Variants in OR4D10 observed in about 807,000 individuals in gnomAD.
OR4D10 encodes the protein olfactory receptor family 4 subfamily D member 10.
For missense variants in OR4D10, 395 were observed against 378.0 expected (o/e 1.04, Z -0.37); for synonymous variants, 188 against 153.2 (o/e 1.23, Z -1.68).
Position 59,476,388 on chromosome 11 carries a change from T to A in OR4D10, c.-168-874T>A, listed in dbSNP as rs151102581. Among the ~76,000 whole-genome samples the A allele has an allele frequency of 1.6e-3, 249 of 152,132 alleles. 2 individuals carry two copies. Among genetic ancestry groups the A allele is most frequent in the Middle Eastern group, 6.8e-3 (2 of 294 alleles). ...GGTCTATACCCTCACTCAGTCTACT[T>A]TTCTCTTTTCTGAGACAGGGTCTCA... On this transcript the variant is annotated intron_variant, in intron 2 of 2. Coordinates refer to ENST00000530162, the MANE Select transcript of OR4D10 (RefSeq NM_001004705.2).
In OR4D10 at chr11:59,477,916, T is replaced by C. The variant is rs746790260; in HGVS notation, c.487T>C (p.Leu163=). 1.2e-6 allele frequency: 2 copies of C among 1,614,168 alleles called. No homozygotes were observed. The highest frequency in any genetic ancestry group is 2.2e-5 in the South Asian group (2 of 91,062). ...FVHSIVQISL[L]LPLPFCGPNV... ...CCACTCCATCGTGCAGATTTCCCTG[T>C]TGCTCCCACTCCCTTTCTGCGGACC... The change falls in exon 3 of 3, where the codon TTG becomes CTG. Residue 163 remains leucine (L), a synonymous_variant. Transcript: ENST00000530162.
intron 2 of OR4D10, among the ~76,000 whole-genome samples, chr11:59,474,195 A>C (rs1417159658): frequency 6.6e-6 from 1 of 152,196 alleles, no homozygotes; most frequent in Non-Finnish European, 1.5e-5. Flanking sequence ...GTGACAAATA[A>C]ATCAAGTTTT....
Position 59,478,358 on chromosome 11 carries a change from G to T in OR4D10, c.929G>T (p.Arg310Ile). The T allele has an allele frequency of 1.9e-6, 3 of 1,558,418 alleles. No individual in the cohort carries two copies. Among genetic ancestry groups the T allele is most frequent in the Non-Finnish European group, 2.6e-6 (3 of 1,155,706 alleles). The change falls in exon 3 of 3, where the codon AGA (arginine) becomes ATA (isoleucine). Residue 310 changes from arginine to isoleucine, a missense_variant. Arg to Ile is a moderately conservative substitution (Grantham distance 97). Transcript: ENST00000530162. ...RLKRRLVPSD[R>I]K Reference sequence around the variant, plus strand: ...AAGAGAAGACTTGTGCCTTCTGATAGAAAATAGAAAAAAAAATCCTCAGCT... The same window carrying T: ...AAGAGAAGACTTGTGCCTTCTGATATAAAATAGAAAAAAAAATCCTCAGCT...
chr11:59,478,607 C>A lies in OR4D10; in HGVS notation c.*242C>A. 2.8e-6 allele frequency: 1 copy of A among 358,736 alleles called. No homozygotes were observed. Among genetic ancestry groups the A allele is most frequent in the Non-Finnish European group, 5.0e-6 (1 of 201,532 alleles). 22.2% of individuals were successfully genotyped at this position (358,736 alleles called of 1,614,324 possible). Reference sequence around the variant, plus strand: ...ACCAAGATTTTGTTTCATGATTTTTCTTCCATGGACTCCAAGTTCTGAAAG... The same window carrying A: ...ACCAAGATTTTGTTTCATGATTTTTATTCCATGGACTCCAAGTTCTGAAAG... On this transcript the variant is annotated 3_prime_UTR_variant, in exon 3 of 3. Coordinates refer to ENST00000530162, the MANE Select transcript of OR4D10 (RefSeq NM_001004705.2).
chr11:59,474,034 T>A (rs970851985), intron 2 of OR4D10, among the ~76,000 whole-genome samples: 9 of 152,236 alleles, frequency 5.9e-5, no homozygotes, highest in Non-Finnish European at 8.8e-5. Flanking sequence ...CTGTAGTGAC[T>A]GAACTTGGGG....
In OR4D10 at chr11:59,477,786, A is replaced by G; in HGVS notation, c.357A>G (p.Ala119=). 6.2e-7 allele frequency: 1 copy of G among 1,614,008 alleles called. No individual in the cohort carries two copies. Among genetic ancestry groups the G allele is most frequent in the Non-Finnish European group, 8.5e-7 (1 of 1,180,010 alleles). The change falls in exon 3 of 3, where the codon GCA becomes GCG. Residue 119 remains alanine, a synonymous_variant. Coordinates refer to ENST00000530162, the MANE Select transcript of OR4D10 (RefSeq NM_001004705.2). ...ATGTATTTTCTCTTTCGGTGATGGCATTGGATCGATATGTGGCCATCTCCA... is the reference window on the plus strand; with the variant it reads ...ATGTATTTTCTCTTTCGGTGATGGCGTTGGATCGATATGTGGCCATCTCCA... ...GVDVFSLSVM[A]LDRYVAISKP... is the part of the protein sequence containing the mutation.
At chr11:59,474,827 C>T (rs939062727) in intron 2 of OR4D10, among the ~76,000 whole-genome samples, 3 of 151,786 alleles carry the variant, frequency 2.0e-5, no homozygotes, top group East Asian at 1.9e-4. Flanking sequence ...GAGGCCGAGG[C>T]GGGCGGATCA....
intron 2 of OR4D10, among the ~76,000 whole-genome samples, chr11:59,474,146 C>T (rs1858874012): frequency 6.6e-6 from 1 of 152,214 alleles, no homozygotes; most frequent in Non-Finnish European, 1.5e-5. Flanking sequence ...ATATGAAAGA[C>T]AAGATTTACA....
rs975449757 is a variant in OR4D10 at position 59,478,717 on chromosome 11, A to T, written c.*352A>T. ...ATAAGTAATACATAAAATTATATAT[A>T]TACCTAGCAAATGCATATTATATAT... On this transcript the variant is annotated 3_prime_UTR_variant, in exon 3 of 3. Coordinates refer to ENST00000530162, the MANE Select transcript of OR4D10 (RefSeq NM_001004705.2). The T allele has an allele frequency of 6.0e-6, 1 of 167,124 alleles. No homozygotes were observed. Among genetic ancestry groups the T allele is most frequent in the African/African-American group, 2.4e-5 (1 of 41,920 alleles). The allele number at this position is 167,124 out of a possible 1,614,324, so 10.4% of individuals were successfully genotyped here.
At chr11:59,476,525 T>G (rs180908223) in intron 2 of OR4D10, among the ~76,000 whole-genome samples, 2 of 151,512 alleles carry the variant, frequency 1.3e-5, no homozygotes, top group Non-Finnish European at 2.9e-5. Context: ...GGACCACAGG[T>G]GTATGCCACC....
At position 59,479,337 on chromosome 11, in the gene OR4D10, A is replaced by G. The variant is rs1858943384; in HGVS notation, c.*972A>G. On this transcript the variant is annotated 3_prime_UTR_variant, in exon 3 of 3. Transcript: ENST00000530162. The stretch of plus-strand genomic sequence containing the variant: ...CTGTGAGTTTCTACAAATGACAAAA[A>G]CACATTAAGCTACTTTAAGCTATGC... 1 of 152,200 alleles carries G rather than the reference A, an allele frequency of 6.6e-6. No homozygotes were observed. The allele number at this position is 152,200 out of a possible 1,614,324, so 9.4% of individuals were successfully genotyped here.
rs746883838 is a variant in OR4D10, at chr11:59,478,002, C to A, written c.573C>A (p.Asp191Glu). 21 of 1,613,984 alleles carry A rather than the reference C, an allele frequency of 1.3e-5. No homozygotes were observed. Among genetic ancestry groups the A allele is most frequent in the Non-Finnish European group, 9.3e-6 (11 of 1,180,034 alleles). Residue 191 changes from aspartate (D) to glutamate (E), a missense_variant, in exon 3 of 3, where the codon GAC becomes GAA. Transcript: ENST00000530162. The stretch of plus-strand genomic sequence containing the variant: ...GGGTCCTCAAACTGGCCCATACAGA[C>A]ATTTTCATACTTGAACTACTAATGA... ...VHRVLKLAHTDIFILELLMIS... is the reference protein window; with the variant it reads ...VHRVLKLAHTEIFILELLMIS...
rs1368051066 is a variant in OR4D10, at chr11:59,477,523, C to G, written c.94C>G (p.Leu32Val). ...EVSLVLFLFL[L>V]LVYVTTLLGN... is the part of the protein sequence containing the mutation. Reference sequence around the variant, plus strand: ...GAGCTTAGTCTTATTTCTTTTCCTACTCTTGGTGTATGTGACAACTTTGCT... The same window carrying G: ...GAGCTTAGTCTTATTTCTTTTCCTAGTCTTGGTGTATGTGACAACTTTGCT... Residue 32 changes from leucine (L) to valine (V), a missense_variant, in exon 3 of 3, where the codon CTC (leucine) becomes GTC (valine). Coordinates refer to ENST00000530162, the MANE Select transcript of OR4D10 (RefSeq NM_001004705.2). 6.2e-7 allele frequency: 1 copy of G among 1,614,056 alleles called. No individual in the cohort carries two copies. The highest frequency in any genetic ancestry group is 1.1e-5 in the South Asian group (1 of 91,070).
At position 59,478,183 on chromosome 11, in the gene OR4D10, G is replaced by A. The variant is rs549738622; in HGVS notation, c.754G>A (p.Val252Met). 192 of 1,613,822 alleles carry A rather than the reference G, an allele frequency of 1.2e-4. 3 individuals are homozygous for A. In the South Asian group the frequency reaches 1.8e-3, roughly 15 times the overall value. ...SHITVVTLHF[V>M]PCIYVYARPF... ...CATCACTGTGGTGACCCTGCATTTC[G>A]TGCCCTGCATCTATGTCTATGCCCG... is the stretch of plus-strand genomic sequence containing the variant. The change falls in exon 3 of 3, where the codon GTG becomes ATG. Residue 252 changes from valine (V) to methionine (M), a missense_variant. Transcript: ENST00000530162.
Position 59,477,682 on chromosome 11 carries a change from C to A in OR4D10, c.253C>A (p.Leu85Ile). Residue 85 changes from leucine to isoleucine, a missense_variant, in exon 3 of 3, where the codon CTT (leucine) becomes ATT (isoleucine). By Grantham distance (5) the Leu-to-Ile change is conservative (BLOSUM62 2). Coordinates refer to ENST00000530162, the MANE Select transcript of OR4D10 (RefSeq NM_001004705.2). ...CACAGTGCCCAAGGTTCTGGTGGAC[C>A]TTCTGTCTGAAAGAAAGACCATCTC... is the stretch of plus-strand genomic sequence containing the variant. Reference protein sequence around the residue: ...SITVPKVLVDLLSERKTISFN... With the variant: ...SITVPKVLVDILSERKTISFN... 1.2e-6 allele frequency: 2 copies of A among 1,614,168 alleles called. No individual in the cohort carries two copies. The highest frequency in any genetic ancestry group is 1.7e-6 in the Non-Finnish European group (2 of 1,180,024).
chr11:59,477,741 C>T lies in OR4D10; in HGVS notation c.312C>T (p.Phe104=), dbSNP rs1341585045. Residue 104 remains phenylalanine (F), a synonymous_variant, in exon 3 of 3, where the codon TTC becomes TTT. Coordinates refer to ENST00000530162, the MANE Select transcript of OR4D10 (RefSeq NM_001004705.2). The stretch of plus-strand genomic sequence containing the variant: ...ATTGCTTCACTCAGATGTTTCTATT[C>T]CACCTTATTGGAGGGGTGGATGTAT... ...FNHCFTQMFL[F]HLIGGVDVFS... is the part of the protein sequence containing the mutation. 2.5e-6 allele frequency: 4 copies of T among 1,614,134 alleles called. No homozygotes were observed. The highest frequency in any genetic ancestry group is 3.4e-6 in the Non-Finnish European group (4 of 1,180,022).
Position 59,478,027 on chromosome 11 carries a change from A to G in OR4D10, c.598A>G (p.Ile200Val). The change falls in exon 3 of 3, where the codon ATT becomes GTT. Residue 200 changes from isoleucine (I) to valine (V), a missense_variant. By Grantham distance (29) the Ile-to-Val change is conservative. Transcript: ENST00000530162. ...CATTTTCATACTTGAACTACTAATG[A>G]TTTCCAACAATGGACTGCTCACCAC... Reference protein sequence around the residue: ...TDIFILELLMISNNGLLTTLW... With the variant: ...TDIFILELLMVSNNGLLTTLW... The G allele has an allele frequency of 6.2e-7, 1 of 1,614,084 alleles. No individual in the cohort carries two copies. The highest frequency in any genetic ancestry group is 8.5e-7 in the Non-Finnish European group (1 of 1,180,016).
intron 2 of OR4D10, among the ~76,000 whole-genome samples, chr11:59,476,381 G>A (rs931496839): frequency 6.6e-6 from 1 of 151,944 alleles, no homozygotes; most frequent in African/African-American, 2.4e-5. Context: ...CCCTCACTCA[G>A]TCTACTTTTC....
chr11:59,477,496 G>A lies in OR4D10; in HGVS notation c.67G>A (p.Val23Met). The A allele has an allele frequency of 6.2e-7, 1 of 1,612,232 alleles. No individual in the cohort carries two copies. The highest frequency in any genetic ancestry group is 8.5e-7 in the Non-Finnish European group (1 of 1,179,140). The change falls in exon 3 of 3, where the codon GTG becomes ATG. Residue 23 changes from valine to methionine, a missense_variant. Coordinates refer to ENST00000530162, the MANE Select transcript of OR4D10 (RefSeq NM_001004705.2). ...IFLGLTQNRE[V>M]SLVLFLFLLL... is the part of the protein sequence containing the mutation. ...CCTTGGCCTGACCCAGAATCGGGAA[G>A]TGAGCTTAGTCTTATTTCTTTTCCT...
Sources: allele counts gnomAD v4.1 joint callset (sites outside exome capture counted in the v4.1 genomes callset), GRCh38; gene constraint gnomAD v4.1.1; transcripts MANE v1.5; gene names NCBI Gene and HGNC (gene_info 2026-07-23, HGNC 2026-07-21).